KIRREL1: variants seen among roughly 807,000 people sequenced by gnomAD.
KIRREL1 encodes kin of IRRE-like protein 1.
In KIRREL1, 25 loss-of-function variants were observed where a neutral mutation model predicts 83.3. The ratio of observed to expected loss-of-function variants is 0.30; its 90% CI spans 0.22 to 0.42. The LOEUF is 0.42. Ranked by LOEUF, KIRREL1 falls within the 10% of genes least tolerant of loss-of-function variation. KIRREL1 has a pLI of 1.00. For synonymous variants in KIRREL1, 388 were observed against 410.4 expected (o/e 0.95, Z 0.66); for missense variants, 812 against 1,032.3 (o/e 0.79, Z 2.92).
rs1337872828 is a variant in KIRREL1 at position 158,098,566 on chromosome 1, A to T, written c.*3446A>T. The T allele has an allele frequency of 6.6e-6, 1 of 152,180 alleles. No individual in the cohort carries two copies. The highest frequency in any genetic ancestry group is 1.5e-5 in the Non-Finnish European group (1 of 68,034). 9.4% of individuals were successfully genotyped at this position (152,180 alleles called of 1,614,324 possible). A position where few individuals can be genotyped will look rare whatever the true frequency, so the allele number is the denominator to read the frequency against. ...ACAACAGCTTTGGAATACATTCTGG[A>T]TCTTGAGGAGGATCTTGTGATTTTG... On this transcript the variant is annotated 3_prime_UTR_variant, in exon 15 of 15. Transcript: ENST00000359209.
chr1:158,055,688 C>T (rs1661038025), intron 1 of KIRREL1, among the ~76,000 whole-genome samples: 1 of 152,220 alleles, frequency 6.6e-6, no homozygotes, highest in Non-Finnish European at 1.5e-5. Flanking sequence ...GGCGCCCTCC[C>T]TGCGTCTCCT....
chr1:158,049,200 T>C (rs1660852351), intron 1 of KIRREL1, among the ~76,000 whole-genome samples: 1 of 152,200 alleles, frequency 6.6e-6, no homozygotes, highest in African/African-American at 2.4e-5. Flanking sequence ...CAGACATCCT[T>C]GGTCAGTATA....
chr1:158,040,035 G>A (rs902787012), intron 1 of KIRREL1, among the ~76,000 whole-genome samples: 1 of 152,246 alleles, frequency 6.6e-6, no homozygotes, highest in South Asian at 2.1e-4. Flanking sequence ...GGGTTCTCCA[G>A]TGGAAAGCAT....
intron 1 of KIRREL1, among the ~76,000 whole-genome samples, chr1:158,054,523 C>A (rs1660999769): frequency 6.6e-6 from 1 of 152,104 alleles, no homozygotes; most frequent in Non-Finnish European, 1.5e-5. Context: ...GTTCTCCAAG[C>A]CCTGTCCCTG....
At chr1:158,000,921 C>T (rs914500673) in intron 1 of KIRREL1, among the ~76,000 whole-genome samples, 2 of 152,160 alleles carry the variant, frequency 1.3e-5, no homozygotes, top group African/African-American at 2.4e-5. Flanking sequence ...AGAATGCTGC[C>T]GCTTCATTCC....
At chr1:158,065,546 G>T (rs965410414) in intron 1 of KIRREL1, among the ~76,000 whole-genome samples, 1 of 152,182 alleles carries the variant, frequency 6.6e-6, no homozygotes, top group African/African-American at 2.4e-5. Context: ...TCTAGGAGGT[G>T]AGGTTAGAGA....
chr1:158,043,087 C>CAAA (rs71084262), intron 1 of KIRREL1, among the ~76,000 whole-genome samples: 35 of 108,206 alleles, frequency 3.2e-4, no homozygotes, highest in Non-Finnish European at 6.3e-4. Flanking sequence ...GACTCCATCT[C>CAAA]AAAAAAAAAA....
chr1:158,018,729 G>A (rs1659911007), intron 1 of KIRREL1, among the ~76,000 whole-genome samples: 1 of 152,150 alleles, frequency 6.6e-6, no homozygotes, highest in Admixed American at 6.5e-5. Context: ...AGGGTAAAGA[G>A]GGGGCCTCCT....
At chr1:158,044,495 T>C (rs73022637) in intron 1 of KIRREL1, among the ~76,000 whole-genome samples, 5,828 of 152,228 alleles carry the variant, frequency 0.038, 355 homozygotes, top group African/African-American at 0.13. Context: ...TTTTTGTTTG[T>C]TTGCTTGTTT....
At chr1:158,077,298 G>A (rs191071506) in intron 2 of KIRREL1, among the ~76,000 whole-genome samples, 19 of 152,252 alleles carry the variant, frequency 1.2e-4, no homozygotes, top group African/African-American at 4.1e-4. Flanking sequence ...AAAGAAACTG[G>A]GAGAGAGAGT....
intron 1 of KIRREL1, among the ~76,000 whole-genome samples, chr1:158,056,295 G>C (rs1661055185): frequency 6.6e-6 from 1 of 152,204 alleles, no homozygotes; most frequent in Admixed American, 6.5e-5. Flanking sequence ...CTGCAGTGGT[G>C]ATGACAGATC....
chr1:158,031,874 C>T (rs1295017107), intron 1 of KIRREL1, among the ~76,000 whole-genome samples: 1 of 152,068 alleles, frequency 6.6e-6, no homozygotes, highest in Non-Finnish European at 1.5e-5. Flanking sequence ...ACTTGACCCC[C>T]AAAATTTGAG....
chr1:158,089,804 C>A lies in KIRREL1; in HGVS notation c.1258C>A (p.Pro420Thr), dbSNP rs921973633. The change falls in exon 10 of 15, where the codon CCC becomes ACC. Residue 420 changes from proline (P) to threonine (T), a missense_variant. By Grantham distance (38) the Pro-to-Thr change is conservative. Coordinates refer to ENST00000359209, the MANE Select transcript of KIRREL1 (RefSeq NM_018240.7). ...GGAGTGTTTCATTGGGAGCACACCA[C>A]CCCCAGACCGCATAGTGAGTGGCGG... is the stretch of plus-strand genomic sequence containing the variant. ...KVECFIGSTPPPDRIAWAWKE... is the reference protein window; with the variant it reads ...KVECFIGSTPTPDRIAWAWKE... The A allele has an allele frequency of 6.2e-7, 1 of 1,613,816 alleles. No homozygotes were observed. The highest frequency in any genetic ancestry group is 1.3e-5 in the African/African-American group (1 of 74,882).
At chr1:158,080,135 G>T (rs967826175) in intron 3 of KIRREL1, among the ~76,000 whole-genome samples, 1 of 152,092 alleles carries the variant, frequency 6.6e-6, no homozygotes, top group Non-Finnish European at 1.5e-5. Flanking sequence ...AGTATTCCGA[G>T]GAACCGTGAG....
intron 3 of KIRREL1, among the ~76,000 whole-genome samples, chr1:158,083,363 T>C (rs957284621): frequency 2.6e-5 from 4 of 152,192 alleles, no homozygotes; most frequent in Non-Finnish European, 4.4e-5. Context: ...GGGGCCACCA[T>C]GGTGGGGGTG....
intron 1 of KIRREL1, among the ~76,000 whole-genome samples, chr1:158,041,796 G>C (rs927184554): frequency 2.6e-5 from 4 of 152,122 alleles, no homozygotes; most frequent in Non-Finnish European, 5.9e-5. Context: ...GGGGGTGCTT[G>C]GTACTCTAAA....
At chr1:158,057,177 C>T (rs1184943193) in intron 1 of KIRREL1, among the ~76,000 whole-genome samples, 2 of 152,134 alleles carry the variant, frequency 1.3e-5, no homozygotes, top group Non-Finnish European at 2.9e-5. Context: ...GCACTGTGGC[C>T]TAACACGAAG....
chr1:157,994,249 C>T (rs1432335157), intron 1 of KIRREL1, among the ~76,000 whole-genome samples: 3 of 152,176 alleles, frequency 2.0e-5, no homozygotes, highest in Non-Finnish European at 2.9e-5. Context: ...ATCACGGCTC[C>T]AGCCTGCCTG....
At chr1:158,010,233 C>T (rs1429398328) in intron 1 of KIRREL1, among the ~76,000 whole-genome samples, 2 of 151,670 alleles carry the variant, frequency 1.3e-5, no homozygotes, top group Non-Finnish European at 2.9e-5. Flanking sequence ...CCAGGAGCAG[C>T]GTTTGCTCAG....
Sources: allele counts gnomAD v4.1 joint callset (sites outside exome capture counted in the v4.1 genomes callset), GRCh38; gene constraint gnomAD v4.1.1; transcripts MANE v1.5; gene names NCBI Gene and HGNC (gene_info 2026-07-23, HGNC 2026-07-21).